The following MEMO1 variants were observed in gnomAD, a reference collection of about 807,000 sequenced individuals.
The protein encoded by MEMO1 is protein MEMO1.
In MEMO1, 6 loss-of-function variants were observed where a neutral mutation model predicts 45.2. The ratio of observed to expected loss-of-function variants is 0.13; its 90% CI spans 0.07 to 0.26. The LOEUF is 0.26. Among genes scored for constraint, MEMO1 ranks in the 10% least tolerant of loss-of-function variants. MEMO1 has a pLI of 1.00. For missense variants in MEMO1, 184 were observed against 370.5 expected, an observed-to-expected ratio of 0.50 and a Z score of 4.13; for synonymous variants, 78 against 124.3, an observed-to-expected ratio of 0.63 and a Z score of 2.48.
At chr2:31,985,256 CTAAAA>C (rs2148518080) in intron 2 of MEMO1, among the ~76,000 whole-genome samples, 1 of 152,232 alleles carries the variant, frequency 6.6e-6, no homozygotes, top group African/African-American at 2.4e-5. Flanking sequence ...AAGTGTTTAC[CTAAAA>C]TAAATAACAA....
At chr2:31,935,115 A>G (rs1041060961) in intron 3 of MEMO1, among the ~76,000 whole-genome samples, 6 of 152,158 alleles carry the variant, frequency 3.9e-5, no homozygotes, top group African/African-American at 1.4e-4. Context: ...TATTATTGTC[A>G]TTTTACAGAT....
intron 8 of MEMO1, among the ~76,000 whole-genome samples, chr2:31,876,998 T>G (rs1489932177): frequency 1.3e-5 from 2 of 152,238 alleles, no homozygotes; most frequent in Admixed American, 1.3e-4. Context: ...TGCAGCCATA[T>G]GATCTATTCA....
At chr2:31,987,585 A>G (rs908062183) in intron 2 of MEMO1, among the ~76,000 whole-genome samples, 3 of 152,214 alleles carry the variant, frequency 2.0e-5, no homozygotes, top group African/African-American at 7.2e-5. Context: ...TAATCTAGTC[A>G]TATTAGTCAT....
chr2:31,972,212 C>A (rs1202904068), intron 2 of MEMO1, among the ~76,000 whole-genome samples: 1 of 152,064 alleles, frequency 6.6e-6, no homozygotes, highest in African/African-American at 2.4e-5. Flanking sequence ...AACTCATATA[C>A]AGAAAATCCA....
chr2:31,921,817 G>A (rs769169313), intron 4 of MEMO1, among the ~76,000 whole-genome samples: 5 of 152,054 alleles, frequency 3.3e-5, no homozygotes, highest in African/African-American at 4.8e-5. Flanking sequence ...TCCCATTCAA[G>A]TAGAAGTCAT....
chr2:31,987,750 T>C lies in MEMO1; in HGVS notation c.61+22437A>G, dbSNP rs747495060. Reference sequence around the variant, plus strand: ...ATATCATCCTCTATTCTGAGCAATCTAGTTTTCTTCCTAAGGCCTCAAAGC... The same window carrying C: ...ATATCATCCTCTATTCTGAGCAATCCAGTTTTCTTCCTAAGGCCTCAAAGC... On this transcript the variant is annotated intron_variant, in intron 2 of 9. Coordinates refer to ENST00000404530, the MANE Select transcript of MEMO1 (RefSeq NM_001301833.4). Among the ~76,000 whole-genome samples the C allele has an allele frequency of 2.6e-5, 4 of 152,176 alleles. No homozygotes were observed. In the South Asian group the frequency reaches 6.2e-4, roughly 24 times the overall value.
chr2:31,949,539 T>TA (rs986196232), intron 2 of MEMO1, among the ~76,000 whole-genome samples: 9 of 133,294 alleles, frequency 6.8e-5, no homozygotes, highest in Non-Finnish European at 1.1e-4. Context: ...TTGTGGGATC[T>TA]AAAAAAAAAC....
chr2:31,922,964 A>G (rs1572691854), intron 4 of MEMO1, among the ~76,000 whole-genome samples: 1 of 152,122 alleles, frequency 6.6e-6, no homozygotes, highest in Non-Finnish European at 1.5e-5. Context: ...TGGCAGAACA[A>G]TTTACATTCC....
At chr2:31,964,922 G>T (rs909252166) in intron 2 of MEMO1, among the ~76,000 whole-genome samples, 7 of 151,788 alleles carry the variant, frequency 4.6e-5, no homozygotes, top group Admixed American at 4.6e-4. Context: ...CAGATGAAAT[G>T]ATATGGTGAG....
At chr2:31,998,063 G>A (rs1048245536) in intron 2 of MEMO1, among the ~76,000 whole-genome samples, 4 of 152,158 alleles carry the variant, frequency 2.6e-5, no homozygotes, top group Non-Finnish European at 4.4e-5. Context: ...AGCTGAAGTA[G>A]TGCAGTGGCA....
At chr2:31,985,610 G>A (rs534299768) in intron 2 of MEMO1, among the ~76,000 whole-genome samples, 21 of 152,292 alleles carry the variant, frequency 1.4e-4, no homozygotes, top group Non-Finnish European at 2.4e-4. Context: ...ACAGGCGTGA[G>A]ACACCACACC....
At chr2:31,963,927 C>T (rs190436196) in intron 2 of MEMO1, among the ~76,000 whole-genome samples, 1 of 152,072 alleles carries the variant, frequency 6.6e-6, no homozygotes, top group Non-Finnish European at 1.5e-5. Flanking sequence ...AAAAAGAATG[C>T]AATATACTTC....
intron 4 of MEMO1, among the ~76,000 whole-genome samples, chr2:31,926,064 G>T (rs978936055): frequency 5.9e-5 from 9 of 152,050 alleles, no homozygotes; most frequent in Non-Finnish European, 1.2e-4. Flanking sequence ...GCTGGCAGAA[G>T]ATTTCCCCAA....
chr2:31,949,604 T>C lies in MEMO1; in HGVS notation c.62-6221A>G, dbSNP rs1216173494. Reference sequence around the variant, plus strand: ...GGTTACCAGAGGCTGGGAAGAGTATTGGAGGGTTGGATAGGAGGTGGAGAT... The same window carrying C: ...GGTTACCAGAGGCTGGGAAGAGTATCGGAGGGTTGGATAGGAGGTGGAGAT... On this transcript the variant is annotated intron_variant, in intron 2 of 9. Transcript: ENST00000404530. Among the ~76,000 whole-genome samples, 3 of 123,194 alleles carry C rather than the reference T, an allele frequency of 2.4e-5. No individual in the cohort carries two copies. The Admixed American group carries it at 3.3e-4, about 14-fold the overall frequency. The allele number at this position is 123,194 out of a possible 152,430, so 80.8% of individuals were successfully genotyped here.
chr2:31,944,524 C>G (rs1223225685), intron 2 of MEMO1, among the ~76,000 whole-genome samples: 1 of 152,184 alleles, frequency 6.6e-6, no homozygotes, highest in Non-Finnish European at 1.5e-5. Flanking sequence ...CATCTTCCCA[C>G]CACTTATTCT....
At chr2:31,909,946 T>A (rs1229988376) in intron 6 of MEMO1, among the ~76,000 whole-genome samples, 1 of 151,726 alleles carries the variant, frequency 6.6e-6, no homozygotes, top group African/African-American at 2.4e-5. Flanking sequence ...ATATTAAAAC[T>A]GCAAAAAACC....
chr2:32,002,279 A>G (rs1331401565), intron 2 of MEMO1, among the ~76,000 whole-genome samples: 2 of 144,792 alleles, frequency 1.4e-5, no homozygotes, highest in South Asian at 2.1e-4. Context: ...ACATATATAC[A>G]TGTACATATA....
At chr2:31,965,065 T>A (rs1271512161) in intron 2 of MEMO1, among the ~76,000 whole-genome samples, 2 of 151,868 alleles carry the variant, frequency 1.3e-5, no homozygotes, top group African/African-American at 4.8e-5. Flanking sequence ...AATACAAAAT[T>A]AGTCGGGAGT....
At chr2:31,877,632 G>A (rs1674743917) in intron 8 of MEMO1, among the ~76,000 whole-genome samples, 1 of 152,070 alleles carries the variant, frequency 6.6e-6, no homozygotes, top group Admixed American at 6.6e-5. Context: ...TCACCATTTT[G>A]GAAAATCAAG....
Sources: allele counts gnomAD v4.1 joint callset (sites outside exome capture counted in the v4.1 genomes callset), GRCh38; gene constraint gnomAD v4.1.1; transcripts MANE v1.5; gene names NCBI Gene and HGNC (gene_info 2026-07-23, HGNC 2026-07-21).